Variants in L3MBTL4 observed in about 807,000 individuals in gnomAD.
L3MBTL4 encodes the protein L3MBTL histone methyl-lysine binding protein 4.
A neutral mutation model predicts 84.5 loss-of-function variants in L3MBTL4; 70 were observed. The observed-to-expected ratio is 0.83, with a 90% CI of 0.68 to 1.01. L3MBTL4 has a LOEUF of 1.01. L3MBTL4 is among the 50% of genes least tolerant of loss of function. The pLI, the probability that L3MBTL4 is intolerant of heterozygous loss-of-function variation, is 0.00. For missense variants in L3MBTL4, 715 were observed against 754.8 expected, an observed-to-expected ratio of 0.95 and a Z score of 0.62; for synonymous variants, 274 against 259.8, an observed-to-expected ratio of 1.05 and a Z score of -0.52.
intron 3 of L3MBTL4, among the ~76,000 whole-genome samples, chr18:6,305,493 T>A (rs2050542593): frequency 6.6e-6 from 1 of 152,126 alleles, no homozygotes; most frequent in Admixed American, 6.5e-5. Context: ...AAGAAAAAAT[T>A]AGCGCTTTAT....
At chr18:5,996,757 A>G (rs1356477305) in intron 16 of L3MBTL4, among the ~76,000 whole-genome samples, 3 of 152,182 alleles carry the variant, frequency 2.0e-5, no homozygotes, top group Admixed American at 2.0e-4. Context: ...GGACCAGTGG[A>G]GCATTGAAGG....
At chr18:6,236,875 T>C (rs369013480) in intron 10 of L3MBTL4, among the ~76,000 whole-genome samples, 7 of 152,204 alleles carry the variant, frequency 4.6e-5, no homozygotes, top group African/African-American at 1.7e-4. Context: ...TTTTTCTATA[T>C]TTAAGGCGAA....
rs182992548 is a variant in L3MBTL4, at chr18:6,336,610, T to C, written c.-90-24554A>G. ...TTGAGGAATAAGGTCCAACCAGAGATAGACTGAGGCTTACAGAAACTGTAA... is the reference window on the plus strand; with the variant it reads ...TTGAGGAATAAGGTCCAACCAGAGACAGACTGAGGCTTACAGAAACTGTAA... On this transcript the variant is annotated intron_variant, in intron 1 of 18. Transcript: ENST00000317931. Among the ~76,000 whole-genome samples the C allele has an allele frequency of 8.5e-5, 13 of 152,288 alleles. No individual in the cohort carries two copies. The South Asian group carries it at 1.4e-3, about 17-fold the overall frequency.
intron 10 of L3MBTL4, among the ~76,000 whole-genome samples, chr18:6,219,399 T>C (rs1041324587): frequency 6.6e-6 from 1 of 150,988 alleles, no homozygotes; most frequent in Non-Finnish European, 1.5e-5. Flanking sequence ...TTTAAATTAT[T>C]TATTCATGTC....
intron 5 of L3MBTL4, chr18:6,258,772 C>A (rs954751313): frequency 2.0e-5 from 3 of 152,294 alleles, no homozygotes; most frequent in Non-Finnish European, 2.9e-5. Context: ...GATGGACTGT[C>A]ACATGGGCAA....
At position 6,238,057 on chromosome 18, in the gene L3MBTL4, C is replaced by T; in HGVS notation, c.708-17G>A. On this transcript the variant is annotated splice_polypyrimidine_tract_variant and intron_variant, in intron 9 of 18. Coordinates refer to ENST00000317931, the MANE Select transcript of L3MBTL4 (RefSeq NM_001330559.2). ...ACATCGCACCTGCAAAAACAGAGCTCTATATTACGTTCCGTTTTACTTCAT... is the reference window on the plus strand; with the variant it reads ...ACATCGCACCTGCAAAAACAGAGCTTTATATTACGTTCCGTTTTACTTCAT... 1 of 1,610,244 alleles carries T rather than the reference C, an allele frequency of 6.2e-7. No individual in the cohort carries two copies. Among genetic ancestry groups the T allele is most frequent in the Non-Finnish European group, 8.5e-7 (1 of 1,176,562 alleles).
Position 5,995,295 on chromosome 18 carries a change from C to T in L3MBTL4, c.1445-25733G>A, listed in dbSNP as rs1200449881. Reference sequence around the variant, plus strand: ...TCTGAACATTCTCGCCATTGTGTGTCCCTGCATGGTGACGGTGACAGTGAC... The same window carrying T: ...TCTGAACATTCTCGCCATTGTGTGTTCCTGCATGGTGACGGTGACAGTGAC... On this transcript the variant is annotated intron_variant, in intron 16 of 18. Coordinates refer to ENST00000317931, the MANE Select transcript of L3MBTL4 (RefSeq NM_001330559.2). Among the ~76,000 whole-genome samples the T allele has an allele frequency of 2.0e-5, 3 of 152,254 alleles. No individual in the cohort carries two copies. In the East Asian group the frequency reaches 5.8e-4, roughly 29 times the overall value.
chr18:6,219,529 G>A (rs2046463112), intron 10 of L3MBTL4, among the ~76,000 whole-genome samples: 1 of 144,536 alleles, frequency 6.9e-6, no homozygotes, highest in East Asian at 2.1e-4. Flanking sequence ...GGGCATGGGT[G>A]GCTGAACCAA....
At chr18:6,151,561 T>G (rs2042896979) in intron 13 of L3MBTL4, among the ~76,000 whole-genome samples, 2 of 149,296 alleles carry the variant, frequency 1.3e-5, no homozygotes, top group South Asian at 4.2e-4. Context: ...CACGGCTAAT[T>G]TTTTTGTATT....
At chr18:6,004,996 A>ATT (rs1567973105) in intron 16 of L3MBTL4, among the ~76,000 whole-genome samples, 11 of 42,018 alleles carry the variant, frequency 2.6e-4, no homozygotes, top group South Asian at 1.5e-3. Flanking sequence ...TTAAGATGAT[A>ATT]ATTTTTTTTT....
intron 16 of L3MBTL4, among the ~76,000 whole-genome samples, chr18:6,021,969 T>A (rs931287016): frequency 6.6e-6 from 1 of 152,214 alleles, no homozygotes; most frequent in African/African-American, 2.4e-5. Flanking sequence ...AGTCATTTAC[T>A]ACCAGGCATC....
chr18:6,146,854 G>A (rs923689363), intron 13 of L3MBTL4, among the ~76,000 whole-genome samples: 3 of 152,140 alleles, frequency 2.0e-5, no homozygotes, highest in Non-Finnish European at 2.9e-5. Flanking sequence ...CAGTGAGGAT[G>A]AGCAGTGGGG....
intron 16 of L3MBTL4, among the ~76,000 whole-genome samples, chr18:6,033,569 T>C (rs1342276463): frequency 6.6e-6 from 1 of 152,238 alleles, no homozygotes; most frequent in Non-Finnish European, 1.5e-5. Context: ...TACGATTACA[T>C]TACTTGTAAT....
chr18:6,081,701 G>C (rs2058081927), intron 15 of L3MBTL4, among the ~76,000 whole-genome samples: 1 of 152,152 alleles, frequency 6.6e-6, no homozygotes, highest in Non-Finnish European at 1.5e-5. Flanking sequence ...CTTTGAGTTG[G>C]TCATGGAAGT....
intron 12 of L3MBTL4, among the ~76,000 whole-genome samples, chr18:6,196,617 T>C (rs1254704011): frequency 6.6e-6 from 1 of 152,190 alleles, no homozygotes; most frequent in Non-Finnish European, 1.5e-5. Context: ...GGGCTATCTA[T>C]CCAAAAGAAA....
chr18:6,295,141 G>A (rs1015102802), intron 4 of L3MBTL4, among the ~76,000 whole-genome samples: 1 of 151,686 alleles, frequency 6.6e-6, no homozygotes. Context: ...GCATGGTGGC[G>A]GGCACCTGTA....
chr18:6,082,761 A>T (rs934919497), intron 15 of L3MBTL4, among the ~76,000 whole-genome samples: 5 of 152,192 alleles, frequency 3.3e-5, no homozygotes, highest in African/African-American at 7.2e-5. Flanking sequence ...GGTGCTTTTT[A>T]AAAATAATGC....
intron 12 of L3MBTL4, among the ~76,000 whole-genome samples, chr18:6,193,287 T>G (rs772210688): frequency 1.7e-4 from 26 of 150,674 alleles, no homozygotes; most frequent in Non-Finnish European, 3.1e-4. Context: ...AGCCAACAGC[T>G]AAAATAACCA....
At chr18:6,212,694 T>C (rs1262696433) in intron 12 of L3MBTL4, among the ~76,000 whole-genome samples, 2 of 152,164 alleles carry the variant, frequency 1.3e-5, no homozygotes, top group African/African-American at 4.8e-5. Context: ...AATAGAATAA[T>C]GCCAATAAAA....
Sources: allele counts gnomAD v4.1 joint callset (sites outside exome capture counted in the v4.1 genomes callset), GRCh38; gene constraint gnomAD v4.1.1; transcripts MANE v1.5; gene names NCBI Gene and HGNC (gene_info 2026-07-23, HGNC 2026-07-21).